Variants in SCARA5 observed in about 807,000 individuals in gnomAD.
SCARA5 encodes scavenger receptor class A member 5.
SCARA5 carries 45 observed loss-of-function variants against 46.3 expected under a neutral mutation model. The observed-to-expected ratio is 0.97, with a 90% CI of 0.76 to 1.24. SCARA5 has a LOEUF of 1.24. Among genes scored for constraint, SCARA5 ranks in the 50% most tolerant of loss-of-function variants. SCARA5 has a pLI of 0.00. For missense variants in SCARA5, 680 were observed against 689.0 expected, an observed-to-expected ratio of 0.99 and a Z score of 0.15; for synonymous variants, 333 against 306.5, an observed-to-expected ratio of 1.09 and a Z score of -0.90.
intron 3 of SCARA5, among the ~76,000 whole-genome samples, chr8:27,965,342 C>T (rs1309547775): frequency 6.6e-6 from 1 of 152,240 alleles, no homozygotes; most frequent in African/African-American, 2.4e-5. Flanking sequence ...CTGGGCTTCA[C>T]CCGAGGGCCC....
intron 7 of SCARA5, 135 bp from the exon 8 acceptor site, chr8:27,879,901 C>A: frequency 1.3e-6 from 1 of 775,386 alleles, no homozygotes; most frequent in Non-Finnish European, 2.1e-6. Flanking sequence ...GACTTCAGCC[C>A]CCAAATCACC....
Position 27,871,484 on chromosome 8 carries a change from G to A in SCARA5, c.*450C>T. 4.0e-6 allele frequency: 4 copies of A among 990,808 alleles called. No individual in the cohort carries two copies. Among genetic ancestry groups the A allele is most frequent in the Non-Finnish European group, 4.8e-6 (4 of 833,208 alleles). 61.4% of individuals were successfully genotyped at this position (990,808 alleles called of 1,614,324 possible). A position where few individuals can be genotyped will look rare whatever the true frequency, so the allele number is the denominator to read the frequency against. On this transcript the variant is annotated 3_prime_UTR_variant, in exon 9 of 9. Coordinates refer to ENST00000354914, the MANE Select transcript of SCARA5 (RefSeq NM_173833.6). ...GACGTTGCCTCTTGCTGGGGAGGAA[G>A]ATGTAGAAACTCTTGGACTAATGGA...
rs561660808 is a variant in SCARA5, at chr8:27,874,970, G to A, written c.1352-2900C>T. 1.4e-4 allele frequency among the ~76,000 whole-genome samples: 21 copies of A among 152,210 alleles called. No individual in the cohort carries two copies. In the South Asian group the frequency reaches 1.7e-3, roughly 12 times the overall value. Reference sequence around the variant, plus strand: ...AACATCTTCAAGGCCCTCCCATTTGGGTCTTTCTTGGCTTCCCCCATGCAA... The same window carrying A: ...AACATCTTCAAGGCCCTCCCATTTGAGTCTTTCTTGGCTTCCCCCATGCAA... On this transcript the variant is annotated intron_variant, in intron 8 of 8. Coordinates refer to ENST00000354914, the MANE Select transcript of SCARA5 (RefSeq NM_173833.6).
At chr8:27,989,672 CAG>C (rs1213555886) in intron 1 of SCARA5, among the ~76,000 whole-genome samples, 1 of 152,210 alleles carries the variant, frequency 6.6e-6, no homozygotes, top group Non-Finnish European at 1.5e-5. Context: ...AGGGATGGAA[CAG>C]GGGGTGGTCC....
chr8:27,989,129 C>CTTTTTTTTTTTTTTTTTTTTTTTTTTTTT (rs34929623), intron 1 of SCARA5, among the ~76,000 whole-genome samples: 14 of 68,314 alleles, frequency 2.0e-4, no homozygotes, highest in Non-Finnish European at 2.8e-4. Flanking sequence ...TTCTTTCTTT[C>CTTTTTTTTTTTTTTTTTTTTTTTTTTTTT]TTTTTTTTTT....
intron 2 of SCARA5, among the ~76,000 whole-genome samples, chr8:27,981,557 T>G (rs1405630013): frequency 2.0e-5 from 3 of 152,170 alleles, no homozygotes. Flanking sequence ...TAAAGAACAG[T>G]GTACGGCACG....
chr8:27,930,911 G>C (rs1807760707), intron 3 of SCARA5, among the ~76,000 whole-genome samples: 2 of 152,144 alleles, frequency 1.3e-5, no homozygotes, highest in African/African-American at 4.8e-5. Flanking sequence ...ACTTCACAGA[G>C]CATCACATCT....
intron 3 of SCARA5, among the ~76,000 whole-genome samples, chr8:27,923,816 G>T (rs60228688): frequency 6.6e-6 from 1 of 152,122 alleles, no homozygotes; most frequent in East Asian, 1.9e-4. Flanking sequence ...CTCATGATCT[G>T]CCCGCCTTGG....
rs529258418 is a variant in SCARA5 at position 27,925,169 on chromosome 8, C to T, written c.242-2924G>A. ...GTTCACATGGAACCAAAAAAGAGCCCGTTTTGCCAAGACAATCCTAAGCAA... is the reference window on the plus strand; with the variant it reads ...GTTCACATGGAACCAAAAAAGAGCCTGTTTTGCCAAGACAATCCTAAGCAA... On this transcript the variant is annotated intron_variant, in intron 3 of 8. Coordinates refer to ENST00000354914, the MANE Select transcript of SCARA5 (RefSeq NM_173833.6). Among the ~76,000 whole-genome samples the T allele has an allele frequency of 4.6e-5, 7 of 152,276 alleles. No homozygotes were observed. In the East Asian group the frequency reaches 7.7e-4, roughly 17 times the overall value.
At chr8:27,982,598 T>C (rs1808640351) in intron 2 of SCARA5, among the ~76,000 whole-genome samples, 1 of 152,126 alleles carries the variant, frequency 6.6e-6, no homozygotes, top group Admixed American at 6.5e-5. Context: ...GGATGGGGCC[T>C]TCCATCAACA....
intron 4 of SCARA5, among the ~76,000 whole-genome samples, chr8:27,919,241 G>GAGGAGGAC (rs1563525804): frequency 1.8e-4 from 25 of 140,154 alleles, no homozygotes; most frequent in Non-Finnish European, 3.4e-4. Context: ...AGGAAGAGAC[G>GAGGAGGAC]GAGGAGGAAG....
At chr8:27,941,255 T>C (rs1374434591) in intron 3 of SCARA5, among the ~76,000 whole-genome samples, 1 of 152,158 alleles carries the variant, frequency 6.6e-6, no homozygotes, top group African/African-American at 2.4e-5. Context: ...ACTCTGAGAA[T>C]TGGTTGGGTC....
At chr8:27,964,774 G>A (rs1344161512) in intron 3 of SCARA5, among the ~76,000 whole-genome samples, 6 of 151,810 alleles carry the variant, frequency 4.0e-5, no homozygotes, top group African/African-American at 1.2e-4. Context: ...ACCTCCAGAG[G>A]CCTGCCCCAA....
chr8:27,909,520 G>A, intron 5 of SCARA5, 143 bp downstream of exon 5: 1 of 593,144 alleles, frequency 1.7e-6, no homozygotes, highest in Admixed American at 3.0e-5. Context: ...CAACCTCTTA[G>A]TCTCTTGTTG....
intron 8 of SCARA5, among the ~76,000 whole-genome samples, chr8:27,879,103 AC>A (rs1806767922): frequency 6.6e-6 from 1 of 152,116 alleles, no homozygotes; most frequent in African/African-American, 2.4e-5. Context: ...AAAAAGAAAA[AC>A]AGCGATGATA....
chr8:27,900,524 AATG>A (rs1807134290), intron 7 of SCARA5, among the ~76,000 whole-genome samples: 2 of 152,224 alleles, frequency 1.3e-5, no homozygotes, highest in Admixed American at 1.3e-4. Flanking sequence ...CTAAGCCATG[AATG>A]ATAACCATCA....
At chr8:27,891,207 TTTG>T (rs1188422859) in intron 7 of SCARA5, among the ~76,000 whole-genome samples, 147 of 64,448 alleles carry the variant, frequency 2.3e-3, no homozygotes, top group Middle Eastern at 0.014. Context: ...TTGTTTTTTT[TTTG>T]TTTTTTTTTT....
intron 4 of SCARA5, among the ~76,000 whole-genome samples, chr8:27,913,287 G>A (rs569706681): frequency 2.6e-5 from 4 of 152,322 alleles, no homozygotes; most frequent in African/African-American, 9.6e-5. Context: ...ACATCCTCAG[G>A]TGGTACAGGC....
chr8:27,953,761 G>A (rs1808166863), intron 3 of SCARA5, among the ~76,000 whole-genome samples: 1 of 152,242 alleles, frequency 6.6e-6, no homozygotes, highest in Non-Finnish European at 1.5e-5. Flanking sequence ...GGAGGGTCGG[G>A]CCCATTGGGG....
Sources: gnomAD v4.1 joint callset for allele counts (sites outside exome capture counted in the v4.1 genomes callset) on GRCh38, gnomAD v4.1.1 for gene constraint, MANE v1.5 for transcripts, NCBI Gene and HGNC (gene_info 2026-07-23, HGNC 2026-07-21) for gene names.